Variants in PDE10A observed in about 807,000 individuals in gnomAD.
PDE10A encodes the protein phosphodiesterase 10A, also known as cAMP and cAMP-inhibited cGMP 3',5'-cyclic phosphodiesterase 10A.
Under a neutral mutation model 97.7 loss-of-function variants are expected in PDE10A, and 39 were observed. The ratio of observed to expected loss-of-function variants is 0.40; its 90% CI spans 0.31 to 0.52. PDE10A has a LOEUF of 0.52. Among genes scored for constraint, PDE10A ranks in the 20% least tolerant of loss-of-function variants. PDE10A has a pLI of 0.56. For missense variants in PDE10A, 731 were observed against 1,047.8 expected (o/e 0.70, Z 4.17); for synonymous variants, 371 against 376.8 (o/e 0.98, Z 0.18).
chr6:165,869,363 A>C (rs1330604271), intron 1 of PDE10A, among the ~76,000 whole-genome samples: 4 of 146,764 alleles, frequency 2.7e-5, no homozygotes, highest in Admixed American at 2.7e-4. Context: ...GAAAAAAAAA[A>C]CTCTTCCTAG....
At chr6:165,365,643 C>T (rs1338573274) in intron 18 of PDE10A, among the ~76,000 whole-genome samples, 1 of 152,140 alleles carries the variant, frequency 6.6e-6, no homozygotes, top group Non-Finnish European at 1.5e-5. Flanking sequence ...ACCCTTGAGC[C>T]TGGGAGGTCA....
intron 1 of PDE10A, among the ~76,000 whole-genome samples, chr6:165,972,120 C>A (rs998931569): frequency 6.6e-6 from 1 of 152,132 alleles, no homozygotes; most frequent in Non-Finnish European, 1.5e-5. Flanking sequence ...CATAATTACT[C>A]CCCAAGCACA....
At chr6:165,705,700 G>C (rs1013134612) in intron 1 of PDE10A, among the ~76,000 whole-genome samples, 3 of 152,002 alleles carry the variant, frequency 2.0e-5, no homozygotes, top group South Asian at 2.1e-4. Context: ...ATGATAATTA[G>C]ATAAAAGATA....
chr6:165,846,103 A>G (rs1780410467), intron 1 of PDE10A, among the ~76,000 whole-genome samples: 2 of 152,204 alleles, frequency 1.3e-5, no homozygotes, highest in South Asian at 4.1e-4. Flanking sequence ...GGCAATGCTT[A>G]TGGGATCGAC....
chr6:165,405,614 G>A (rs1192206597), intron 13 of PDE10A, among the ~76,000 whole-genome samples: 5 of 152,238 alleles, frequency 3.3e-5, no homozygotes, highest in South Asian at 2.1e-4. Flanking sequence ...TATTGTTTCC[G>A]TTTATCTGTT....
chr6:165,685,632 T>C (rs1791094240), intron 1 of PDE10A, among the ~76,000 whole-genome samples: 1 of 152,142 alleles, frequency 6.6e-6, no homozygotes, highest in Non-Finnish European at 1.5e-5. Context: ...CCCACACTCC[T>C]CTTTTACCTG....
chr6:165,358,803 T>A (rs1215439341), intron 18 of PDE10A, among the ~76,000 whole-genome samples: 1 of 151,958 alleles, frequency 6.6e-6, no homozygotes, highest in Non-Finnish European at 1.5e-5. Flanking sequence ...TACTATTCAA[T>A]ATTTTTGTCT....
intron 1 of PDE10A, among the ~76,000 whole-genome samples, chr6:165,960,506 T>C (rs1367428107): frequency 2.0e-5 from 3 of 152,110 alleles, no homozygotes; most frequent in Admixed American, 6.5e-5. Flanking sequence ...TACAGTAAGG[T>C]TGGAAGGCTA....
intron 1 of PDE10A, among the ~76,000 whole-genome samples, chr6:165,909,942 C>T (rs1351500652): frequency 1.3e-5 from 2 of 152,186 alleles, no homozygotes; most frequent in African/African-American, 2.4e-5. Context: ...CTCCCTGAGT[C>T]TCTATAAGGC....
At chr6:165,762,130 T>A (rs143501692) in intron 1 of PDE10A, among the ~76,000 whole-genome samples, 3 of 151,208 alleles carry the variant, frequency 2.0e-5, no homozygotes, top group Non-Finnish European at 4.4e-5. Flanking sequence ...CCAGACCACT[T>A]ATCAGTCATG....
chr6:165,721,497 T>C (rs1792166472), intron 1 of PDE10A, among the ~76,000 whole-genome samples: 1 of 152,210 alleles, frequency 6.6e-6, no homozygotes, highest in Non-Finnish European at 1.5e-5. Context: ...TTATTTCCTG[T>C]CCATACTCTA....
intron 1 of PDE10A, among the ~76,000 whole-genome samples, chr6:165,611,169 T>C (rs1362699179): frequency 6.6e-6 from 1 of 151,894 alleles, no homozygotes; most frequent in Non-Finnish European, 1.5e-5. Flanking sequence ...AAACAAAAAG[T>C]AATTTATTGA....
chr6:165,694,166 C>A (rs577464258), intron 1 of PDE10A, among the ~76,000 whole-genome samples: 2 of 152,148 alleles, frequency 1.3e-5, no homozygotes, highest in Admixed American at 6.5e-5. Flanking sequence ...GCCGTGCACA[C>A]GTATATCTCA....
chr6:165,920,122 A>G (rs1365867623), intron 1 of PDE10A, among the ~76,000 whole-genome samples: 2 of 152,214 alleles, frequency 1.3e-5, no homozygotes, highest in African/African-American at 2.4e-5. Context: ...TTTTGGATAC[A>G]TATTTCTGTG....
At chr6:165,574,101 TTAA>T (rs770685316) in intron 1 of PDE10A, among the ~76,000 whole-genome samples, 68 of 152,318 alleles carry the variant, frequency 4.5e-4, no homozygotes, top group South Asian at 1.4e-3. Context: ...ACATATGGCA[TTAA>T]TAATAATAAA....
At chr6:165,896,154 AC>A (rs1298513622) in intron 1 of PDE10A, among the ~76,000 whole-genome samples, 1 of 150,786 alleles carries the variant, frequency 6.6e-6, no homozygotes, top group Non-Finnish European at 1.5e-5. Flanking sequence ...CCACCCAAAC[AC>A]CTCCCAGACC....
chr6:165,924,287 A>G (rs1782855910), intron 1 of PDE10A, among the ~76,000 whole-genome samples: 1 of 152,166 alleles, frequency 6.6e-6, no homozygotes, highest in Non-Finnish European at 1.5e-5. Flanking sequence ...CATTTTGGAT[A>G]GAACATCTTC....
intron 1 of PDE10A, among the ~76,000 whole-genome samples, chr6:165,921,416 T>G (rs1344332162): frequency 6.6e-6 from 1 of 152,232 alleles, no homozygotes; most frequent in Non-Finnish European, 1.5e-5. Context: ...TTGTGGAACT[T>G]ACTTTCTAGA....
chr6:165,862,676 C>CTTTTT (rs200141487), intron 1 of PDE10A, among the ~76,000 whole-genome samples: 2 of 140,808 alleles, frequency 1.4e-5, no homozygotes, highest in Non-Finnish European at 3.1e-5. Flanking sequence ...AGCAGTCGTC[C>CTTTTT]TTTTTTTTTT....
Sources: gnomAD v4.1 joint callset for allele counts (sites outside exome capture counted in the v4.1 genomes callset) on GRCh38, gnomAD v4.1.1 for gene constraint, MANE v1.5 for transcripts, NCBI Gene and HGNC (gene_info 2026-07-23, HGNC 2026-07-21) for gene names.